The following NTM variants were observed in gnomAD, a reference collection of about 807,000 sequenced individuals.
The protein encoded by NTM is neurotrimin.
Under a neutral mutation model 42.1 loss-of-function variants are expected in NTM, and 13 were observed. The ratio of observed to expected loss-of-function variants is 0.31; its 90% CI spans 0.20 to 0.49. The LOEUF is 0.49. Among genes scored for constraint, NTM ranks in the 20% least tolerant of loss-of-function variants. The pLI is 0.99. For synonymous variants in NTM, 187 were observed against 179.2 expected, an observed-to-expected ratio of 1.04 and a Z score of -0.35; for missense variants, 373 against 452.8, an observed-to-expected ratio of 0.82 and a Z score of 1.60.
At chr11:132,101,509 G>A (rs899193793) in intron 2 of NTM, among the ~76,000 whole-genome samples, 6 of 151,722 alleles carry the variant, frequency 4.0e-5, no homozygotes, top group Admixed American at 3.3e-4. Context: ...CTTCTGTAAT[G>A]TTGTCAAGCT....
At chr11:131,383,476 C>T (rs1203686956) in intron 1 of NTM, among the ~76,000 whole-genome samples, 2 of 152,046 alleles carry the variant, frequency 1.3e-5, no homozygotes, top group Admixed American at 6.6e-5. Flanking sequence ...ATAGATTTAA[C>T]CAGGTGAGAA....
chr11:131,803,500 G>A (rs1177901868), intron 1 of NTM, among the ~76,000 whole-genome samples: 1 of 152,134 alleles, frequency 6.6e-6, no homozygotes, highest in Non-Finnish European at 1.5e-5. Flanking sequence ...AGTAGAGATA[G>A]GGTTTCCCTA....
In NTM at chr11:131,901,142, A is replaced by G. The variant is rs543940712; in HGVS notation, c.83-10422A>G. Reference sequence around the variant, plus strand: ...ATAAATTATTTCATTTAACCCTCACAGCAAATATAAGAGGTAGGTATTATT... The same window carrying G: ...ATAAATTATTTCATTTAACCCTCACGGCAAATATAAGAGGTAGGTATTATT... On this transcript the variant is annotated intron_variant, in intron 1 of 8. Transcript: ENST00000683400. Among the ~76,000 whole-genome samples, 78 of 152,382 alleles carry G rather than the reference A, an allele frequency of 5.1e-4. 1 individual carries two copies. Among genetic ancestry groups the G allele is most frequent in the African/African-American group, 1.8e-3 (75 of 41,584 alleles).
At chr11:132,101,479 T>C (rs2061605264) in intron 2 of NTM, among the ~76,000 whole-genome samples, 1 of 152,208 alleles carries the variant, frequency 6.6e-6, no homozygotes, top group Non-Finnish European at 1.5e-5. Context: ...AGGAAATATC[T>C]GTTGAATTCA....
intron 1 of NTM, among the ~76,000 whole-genome samples, chr11:131,529,052 C>A (rs2050883701): frequency 6.6e-6 from 1 of 152,208 alleles, no homozygotes; most frequent in Non-Finnish European, 1.5e-5. Context: ...ACACTTCAAG[C>A]CAGAAGAAAC....
At chr11:131,486,794 TTC>T (rs558383365) in intron 1 of NTM, among the ~76,000 whole-genome samples, 163 of 152,292 alleles carry the variant, frequency 1.1e-3, no homozygotes, top group African/African-American at 3.9e-3. Flanking sequence ...ATCTGCTCAT[TTC>T]TCTCTCATTT....
intron 1 of NTM, among the ~76,000 whole-genome samples, chr11:131,558,440 C>T (rs902589098): frequency 6.6e-6 from 1 of 152,136 alleles, no homozygotes; most frequent in Non-Finnish European, 1.5e-5. Flanking sequence ...ATATAATCCT[C>T]CTGGTTTTAT....
intron 4 of NTM, among the ~76,000 whole-genome samples, chr11:132,295,949 A>G (rs1034159816): frequency 3.3e-5 from 5 of 152,188 alleles, no homozygotes; most frequent in Admixed American, 1.3e-4. Flanking sequence ...AGACAGTAAC[A>G]ATGATGAGGA....
chr11:132,050,403 A>G (rs1248440256), intron 2 of NTM, among the ~76,000 whole-genome samples: 3 of 152,124 alleles, frequency 2.0e-5, no homozygotes, highest in African/African-American at 7.2e-5. Context: ...TGCTCTGGAA[A>G]TTCCTGAAAT....
intron 1 of NTM, among the ~76,000 whole-genome samples, chr11:131,842,740 G>C (rs937579343): frequency 6.6e-6 from 1 of 152,180 alleles, no homozygotes; most frequent in Non-Finnish European, 1.5e-5. Context: ...GGCAAGCAAA[G>C]TGGCTCATGC....
chr11:132,173,980 A>G (rs1383651042), intron 3 of NTM, among the ~76,000 whole-genome samples: 1 of 152,150 alleles, frequency 6.6e-6, no homozygotes, highest in Non-Finnish European at 1.5e-5. Context: ...TGTGTCCTAA[A>G]TGAGTGTGTC....
At chr11:131,899,000 C>T (rs560415591) in intron 1 of NTM, among the ~76,000 whole-genome samples, 25 of 152,260 alleles carry the variant, frequency 1.6e-4, no homozygotes, top group East Asian at 1.5e-3. Flanking sequence ...CTTCCCATCA[C>T]GCTCTAAAAT....
intron 2 of NTM, among the ~76,000 whole-genome samples, chr11:132,129,409 C>T (rs140039013): frequency 5.3e-4 from 80 of 152,288 alleles, no homozygotes; most frequent in African/African-American, 1.8e-3. Flanking sequence ...ATCCCAGGAG[C>T]CCTGAGTTGA....
At position 132,102,071 on chromosome 11, in the gene NTM, G is replaced by A. The variant is rs568691884; in HGVS notation, c.168-44211G>A. ...TTCACGCCTCTAAGTCTTGGCTTAT[G>A]TTCTGTATTTTGCCTGCAGTAGCCT... On this transcript the variant is annotated intron_variant, in intron 2 of 8. Transcript: ENST00000683400. Among the ~76,000 whole-genome samples the A allele has an allele frequency of 5.9e-5, 9 of 152,308 alleles. No individual in the cohort carries two copies. In the South Asian group the frequency reaches 1.7e-3, roughly 28 times the overall value.
chr11:132,277,944 A>G (rs1388332280), intron 4 of NTM, among the ~76,000 whole-genome samples: 1 of 152,186 alleles, frequency 6.6e-6, no homozygotes, highest in Non-Finnish European at 1.5e-5. Flanking sequence ...TTTGCCAATT[A>G]CTTTTATATA....
chr11:132,064,809 G>A (rs920700110), intron 2 of NTM, among the ~76,000 whole-genome samples: 1 of 152,108 alleles, frequency 6.6e-6, no homozygotes, highest in Non-Finnish European at 1.5e-5. Flanking sequence ...CCATGGCCTG[G>A]GGTTATGGGT....
At chr11:132,180,661 G>T (rs928835219) in intron 3 of NTM, among the ~76,000 whole-genome samples, 3 of 152,086 alleles carry the variant, frequency 2.0e-5, no homozygotes, top group Non-Finnish European at 2.9e-5. Context: ...TCTATAACTT[G>T]TGTCCTGGGC....
Position 132,116,076 on chromosome 11 carries a change from G to A in NTM, c.168-30206G>A, listed in dbSNP as rs186606284. ...CCTTTCTCCCAGTTCCCTGGATTAG[G>A]CACCGTATCAGTCAGAAACCACTCT... On this transcript the variant is annotated intron_variant, in intron 2 of 8. Transcript: ENST00000683400. 1.1e-4 allele frequency among the ~76,000 whole-genome samples: 16 copies of A among 152,244 alleles called. No homozygotes were observed. The East Asian group carries it at 3.1e-3, about 29-fold the overall frequency.
chr11:132,112,080 AG>A (rs1328529339), intron 2 of NTM, among the ~76,000 whole-genome samples: 30 of 152,332 alleles, frequency 2.0e-4, no homozygotes, highest in Middle Eastern at 6.8e-3. Flanking sequence ...TCCTGAATGA[AG>A]GCCAAGCTAT....
Sources: gnomAD v4.1 joint callset for allele counts (sites outside exome capture counted in the v4.1 genomes callset) on GRCh38, gnomAD v4.1.1 for gene constraint, MANE v1.5 for transcripts, NCBI Gene and HGNC (gene_info 2026-07-23, HGNC 2026-07-21) for gene names.